The following NEBL variants were observed in gnomAD, a reference collection of about 807,000 sequenced individuals.
NEBL encodes the protein nebulette, also known as LIM and SH3 protein 2.
In NEBL, 122 loss-of-function variants were observed where a neutral mutation model predicts 140.2. That is an observed-to-expected ratio of 0.87 (90% CI 0.75 to 1.01). The LOEUF is 1.01. Among genes scored for constraint, NEBL ranks in the 50% least tolerant of loss-of-function variants. The pLI, the probability that NEBL is intolerant of heterozygous loss-of-function variation, is 0.00. For missense variants in NEBL, 1,365 were observed against 1,231.3 expected (o/e 1.11, Z -1.62); for synonymous variants, 436 against 398.9 (o/e 1.09, Z -1.11).
chr10:21,081,735 C>T (rs1359236003), intron 2 of NEBL, among the ~76,000 whole-genome samples: 1 of 152,114 alleles, frequency 6.6e-6, no homozygotes, highest in Non-Finnish European at 1.5e-5. Context: ...AAGTCTGGAA[C>T]ATCTCTACTG....
intron 5 of NEBL, among the ~76,000 whole-genome samples, chr10:20,876,169 G>A (rs2574765): frequency 4.3e-4 from 65 of 152,182 alleles, no homozygotes; most frequent in Non-Finnish European, 8.4e-4. Flanking sequence ...ATACTATTCA[G>A]AAGAGAGAAA....
chr10:20,932,198 A>G (rs1834224779), intron 4 of NEBL, among the ~76,000 whole-genome samples: 1 of 152,226 alleles, frequency 6.6e-6, no homozygotes, highest in South Asian at 2.1e-4. Context: ...CATATATAAG[A>G]ATAAGTGCCC....
chr10:21,138,212 C>T (rs1839446612), intron 2 of NEBL, among the ~76,000 whole-genome samples: 1 of 152,120 alleles, frequency 6.6e-6, no homozygotes, highest in Non-Finnish European at 1.5e-5. Flanking sequence ...TCCCAACTCA[C>T]CGTAAACACT....
At chr10:20,830,803 T>C (rs1466376213) in intron 16 of NEBL, among the ~76,000 whole-genome samples, 1 of 149,088 alleles carries the variant, frequency 6.7e-6, no homozygotes, top group East Asian at 2.0e-4. Flanking sequence ...TCATGCCCAC[T>C]GAGGCAGGAA....
At chr10:21,014,302 G>A (rs1034697008) in intron 3 of NEBL, among the ~76,000 whole-genome samples, 5 of 151,726 alleles carry the variant, frequency 3.3e-5, no homozygotes, top group Non-Finnish European at 5.9e-5. Flanking sequence ...TTTTTATTAC[G>A]TTATTACCAC....
At position 20,946,183 on chromosome 10, in the gene NEBL, C is replaced by T. The variant is rs1362827992; in HGVS notation, c.357+15489G>A. On this transcript the variant is annotated intron_variant, in intron 4 of 6. Coordinates refer to the NEBL transcript ENST00000417816. ...GAGGACAACGAAGGTGAGAGGCAGC[C>T]CTCATAGGCTGTATGAGCAAGGAGC... 5.9e-5 allele frequency among the ~76,000 whole-genome samples: 9 copies of T among 152,318 alleles called. No homozygotes were observed. In the East Asian group the frequency reaches 9.7e-4, roughly 16 times the overall value.
intron 2 of NEBL, chr10:21,030,484 A>T: frequency 1.3e-6 from 1 of 776,178 alleles, no homozygotes; most frequent in Admixed American, 1.8e-5. Flanking sequence ...CCCAAAAGGT[A>T]ATGCCAGCCC....
intron 2 of NEBL, among the ~76,000 whole-genome samples, chr10:21,042,279 G>A (rs931473553): frequency 2.6e-5 from 4 of 152,208 alleles, no homozygotes; most frequent in Non-Finnish European, 5.9e-5. Flanking sequence ...ACGTCTTGGA[G>A]AGTACACAGC....
intron 17 of NEBL, among the ~76,000 whole-genome samples, chr10:20,827,300 G>A (rs1306667020): frequency 6.6e-6 from 1 of 152,182 alleles, no homozygotes; most frequent in Non-Finnish European, 1.5e-5. Context: ...TAGAACTACA[G>A]AACACTATAG....
intron 4 of NEBL, among the ~76,000 whole-genome samples, chr10:20,933,413 G>A (rs1834301202): frequency 6.6e-6 from 1 of 152,156 alleles, no homozygotes; most frequent in Non-Finnish European, 1.5e-5. Context: ...ACTCTCAGGA[G>A]TGGCAGGTAA....
At chr10:21,014,469 A>G (rs2131749117) in intron 3 of NEBL, among the ~76,000 whole-genome samples, 1 of 152,330 alleles carries the variant, frequency 6.6e-6, no homozygotes. Context: ...GTGGGATTTG[A>G]AACTTTTGGA....
At chr10:20,840,939 T>C in intron 12 of NEBL, 90 bp from the exon 13 acceptor site, 1 of 775,844 alleles carries the variant, frequency 1.3e-6, no homozygotes, top group South Asian at 1.5e-5. Context: ...ATCACAGAAA[T>C]GAGAAAATAT....
At chr10:21,231,298 G>A (rs1842245842) in intron 3 of NEBL, among the ~76,000 whole-genome samples, 2 of 152,144 alleles carry the variant, frequency 1.3e-5, no homozygotes, top group Admixed American at 1.3e-4. Context: ...CCAGCACTTT[G>A]GGAGGCTGAG....
At chr10:21,003,095 C>T (rs1188206713) in intron 3 of NEBL, among the ~76,000 whole-genome samples, 1 of 150,146 alleles carries the variant, frequency 6.7e-6, no homozygotes, top group Non-Finnish European at 1.5e-5. Context: ...TCACAGCCAC[C>T]TTGATCCTGC....
chr10:20,924,361 C>T (rs1338593869), intron 4 of NEBL, among the ~76,000 whole-genome samples: 6 of 140,954 alleles, frequency 4.3e-5, no homozygotes, highest in African/African-American at 1.6e-4. Context: ...CCTTAAGTTA[C>T]CGATTTGACA....
intron 3 of NEBL, among the ~76,000 whole-genome samples, chr10:20,980,658 A>C (rs7914197): frequency 0.16 from 24,881 of 152,028 alleles, 3,515 homozygotes; most frequent in East Asian, 0.38. Context: ...ACCAGTGTGA[A>C]GGCAAAGATC....
At chr10:21,221,632 G>A (rs1483699612) in intron 3 of NEBL, among the ~76,000 whole-genome samples, 2 of 152,022 alleles carry the variant, frequency 1.3e-5, no homozygotes, top group African/African-American at 4.8e-5. Context: ...AGCCTCCTGA[G>A]TAGCTGGGAC....
intron 2 of NEBL, among the ~76,000 whole-genome samples, chr10:21,027,520 G>A (rs893544912): frequency 1.5e-4 from 23 of 151,706 alleles, no homozygotes; most frequent in African/African-American, 5.6e-4. Flanking sequence ...GTTGAGATGG[G>A]GTTTCACCAT....
chr10:20,796,380 A>G (rs529387903), intron 26 of NEBL, among the ~76,000 whole-genome samples: 46 of 150,988 alleles, frequency 3.0e-4, no homozygotes, highest in Admixed American at 2.3e-3. Flanking sequence ...AAAAAAAAAA[A>G]AAAAAAAAAA....
Sources: allele counts gnomAD v4.1 joint callset (sites outside exome capture counted in the v4.1 genomes callset), GRCh38; gene constraint gnomAD v4.1.1; transcripts MANE v1.5; gene names NCBI Gene and HGNC (gene_info 2026-07-23, HGNC 2026-07-21).